HMSD: variants seen among roughly 807,000 people sequenced by gnomAD.
HMSD encodes serpin-like protein HMSD.
HMSD carries 13 observed loss-of-function variants against 10.0 expected under a neutral mutation model. The ratio of observed to expected loss-of-function variants is 1.31; its 90% CI spans 0.85 to 2.08. HMSD has a LOEUF of 2.08. Among genes scored for constraint, HMSD ranks in the 30% most tolerant of loss-of-function variants. The pLI is 0.00. For missense variants in HMSD, 169 were observed against 166.3 expected, an observed-to-expected ratio of 1.02 and a Z score of -0.09; for synonymous variants, 51 against 54.2, an observed-to-expected ratio of 0.94 and a Z score of 0.26.
At chr18:63,967,820 A>G (rs2144769176) in intron 3 of HMSD, among the ~76,000 whole-genome samples, 1 of 152,304 alleles carries the variant, frequency 6.6e-6, no homozygotes, top group African/African-American at 2.4e-5. Context: ...TTGTGTCCCC[A>G]GTGGGCCAGG....
intron 1 of HMSD, among the ~76,000 whole-genome samples, chr18:63,952,231 T>C (rs1203645212): frequency 6.6e-6 from 1 of 151,544 alleles, no homozygotes; most frequent in East Asian, 1.9e-4. Context: ...ATGGCACATG[T>C]ATACATAACT....
At position 63,954,411 on chromosome 18, in the gene HMSD, C is replaced by T; in HGVS notation, c.76C>T (p.Leu26Phe). The part of the protein sequence containing the change: ...GNTAAQMSQA[L>F]CFSKIGGEDG... ...TTTATTATTATTTTATTTTCAGGCA[C>T]TTTGTTTTAGTAAAATCGGAGGTGA... The change falls in exon 3 of 4, where the codon CTT becomes TTT. Residue 26 changes from leucine (L) to phenylalanine (F), a missense_variant. Transcript: ENST00000408945. The T allele has an allele frequency of 1.2e-6, 2 of 1,609,512 alleles. No homozygotes were observed. The highest frequency in any genetic ancestry group is 2.2e-5 in the South Asian group (2 of 90,730).
intron 2 of HMSD, among the ~76,000 whole-genome samples, chr18:63,953,882 C>T (rs569570034): frequency 2.6e-4 from 39 of 152,304 alleles, no homozygotes; most frequent in African/African-American, 8.2e-4. Flanking sequence ...TTGGGCTTCT[C>T]GACCACGGTA....
At chr18:63,969,328 C>T (rs1387776367) in intron 3 of HMSD, 1 of 152,172 alleles carries the variant, frequency 6.6e-6, no homozygotes, top group African/African-American at 2.4e-5. Flanking sequence ...TTTACCTGAA[C>T]TTCAGAGTAG....
chr18:63,960,003 G>T (rs2144762857), intron 3 of HMSD, among the ~76,000 whole-genome samples, 155 bp from the exon 4 acceptor site: 1 of 152,294 alleles, frequency 6.6e-6, no homozygotes, highest in African/African-American at 2.4e-5. Context: ...TAGCTGAAAA[G>T]AATTTGGACT....
intron 1 of HMSD, among the ~76,000 whole-genome samples, chr18:63,950,415 C>CAAAAAAAAAAAAAAAAAAAAAAAAAAA (rs562421091): frequency 2.6e-5 from 1 of 39,056 alleles, no homozygotes; most frequent in Non-Finnish European, 5.7e-5. Flanking sequence ...GACTCTCTCT[C>CAAAAAAAAAAAAAAAAAAAAAAAAAAA]AAAAAAAAAA....
At chr18:63,954,325 T>C (rs2050346296) in intron 2 of HMSD, 83 bp from the exon 3 acceptor site, 1 of 937,922 alleles carries the variant, frequency 1.1e-6, no homozygotes. Flanking sequence ...GTAAATCTCA[T>C]ATTGCTGAGT....
At chr18:63,953,929 AC>A in intron 2 of HMSD, among the ~76,000 whole-genome samples, 1 of 152,280 alleles carries the variant, frequency 6.6e-6, no homozygotes, top group African/African-American at 2.4e-5. Context: ...AAGCTGCCAG[AC>A]TTTTTAAGGG....
downstream of HMSD, among the ~76,000 whole-genome samples, chr18:63,965,226 A>G (rs1423524886): frequency 1.3e-5 from 2 of 152,202 alleles, no homozygotes; most frequent in Admixed American, 6.5e-5. Context: ...AAATTCTGAG[A>G]TTAATGCTGA....
chr18:63,954,466 C>A lies in HMSD; in HGVS notation c.131C>A (p.Ser44Ter). 1 of 1,613,290 alleles carries A rather than the reference C, an allele frequency of 6.2e-7. No homozygotes were observed. The highest frequency in any genetic ancestry group is 1.1e-5 in the South Asian group (1 of 91,018). Reference sequence around the variant, plus strand: ...GGAGATATTCATCGAGGTTTTCAGTCACTTCTTGTTGCAATTAACAGAACT... The same window carrying A: ...GGAGATATTCATCGAGGTTTTCAGTAACTTCTTGTTGCAATTAACAGAACT... ...EDGDIHRGFQSLLVAINRTDT... is the reference protein window; with the variant it reads ...EDGDIHRGFQ The change falls in exon 3 of 4, where the codon TCA (serine) becomes TAA (stop). Residue 44 changes from serine (S) to a stop codon, truncating the protein, a stop_gained. Coordinates refer to ENST00000408945, the MANE Select transcript of HMSD (RefSeq NM_001123366.2). LOFTEE classifies it high-confidence loss of function.
downstream of HMSD, among the ~76,000 whole-genome samples, chr18:63,962,536 G>A (rs2050390979): frequency 1.3e-5 from 2 of 152,174 alleles, no homozygotes; most frequent in African/African-American, 4.8e-5. Flanking sequence ...AGCATCCTGG[G>A]ATATGGAGCT....
chr18:63,965,324 G>A (rs1568261918), downstream of HMSD, among the ~76,000 whole-genome samples: 1 of 152,220 alleles, frequency 6.6e-6, no homozygotes, highest in African/African-American at 2.4e-5. Flanking sequence ...AATCTGAGAG[G>A]CTATCAGGGA....
downstream of HMSD, among the ~76,000 whole-genome samples, chr18:63,965,704 T>C (rs1007695112): frequency 6.6e-6 from 1 of 152,254 alleles, no homozygotes; most frequent in Non-Finnish European, 1.5e-5. Context: ...CATTTTCATA[T>C]AAGCATTGTC....
chr18:63,954,195 C>A (rs184150843), intron 2 of HMSD, among the ~76,000 whole-genome samples: 2 of 152,292 alleles, frequency 1.3e-5, no homozygotes, highest in African/African-American at 4.8e-5. Context: ...ACATTCGTTT[C>A]TTTTAGGATG....
intron 3 of HMSD, among the ~76,000 whole-genome samples, chr18:63,957,458 A>C (rs2050365121): frequency 6.6e-6 from 1 of 152,154 alleles, no homozygotes; most frequent in African/African-American, 2.4e-5. Flanking sequence ...TTGACTTATA[A>C]GAATTATTTT....
At chr18:63,963,687 G>T (rs1274650208), downstream of HMSD, among the ~76,000 whole-genome samples, 1 of 152,208 alleles carries the variant, frequency 6.6e-6, no homozygotes, top group Non-Finnish European at 1.5e-5. Flanking sequence ...GCTTGCCTGA[G>T]AACTCCATTC....
chr18:63,952,197 A>C (rs979329710), intron 1 of HMSD, among the ~76,000 whole-genome samples: 2 of 150,988 alleles, frequency 1.3e-5, no homozygotes, highest in Non-Finnish European at 2.9e-5. Context: ...CTAGATGACG[A>C]GTTAGTGGGT....
intron 2 of HMSD, among the ~76,000 whole-genome samples, chr18:63,954,032 T>G (rs1266192740): frequency 6.6e-6 from 1 of 152,198 alleles, no homozygotes; most frequent in East Asian, 1.9e-4. Context: ...AGAGACTCCA[T>G]CTTTTAGTGT....
chr18:63,957,168 C>G (rs932602516), intron 3 of HMSD, among the ~76,000 whole-genome samples: 1 of 152,184 alleles, frequency 6.6e-6, no homozygotes, highest in Non-Finnish European at 1.5e-5. Context: ...TACTAAACCC[C>G]TGAAACATGA....
Sources: allele counts gnomAD v4.1 joint callset (sites outside exome capture counted in the v4.1 genomes callset), GRCh38; gene constraint gnomAD v4.1.1; transcripts MANE v1.5; gene names NCBI Gene and HGNC (gene_info 2026-07-23, HGNC 2026-07-21).